Variants in STAR observed in about 807,000 individuals in gnomAD.
STAR encodes the protein steroidogenic acute regulatory protein, mitochondrial.
STAR carries 32 observed loss-of-function variants against 32.3 expected under a neutral mutation model. The observed-to-expected ratio is 0.99, with a 90% CI of 0.75 to 1.33. STAR has a LOEUF of 1.33. STAR is among the 40% of genes most tolerant of loss of function. The pLI, the probability that STAR is intolerant of heterozygous loss-of-function variation, is 0.00. For synonymous variants in STAR, 134 were observed against 140.5 expected (o/e 0.95, Z 0.33); for missense variants, 375 against 379.0 (o/e 0.99, Z 0.09).
At chr8:38,145,047 A>G (rs1802542027) in intron 6 of STAR, 175 bp downstream of exon 6, 4 of 1,437,010 alleles carry the variant, frequency 2.8e-6, no homozygotes, top group East Asian at 2.7e-5. Flanking sequence ...GGGCCATCAC[A>G]GGCTTTGGAG....
intron 3 of STAR, 53 bp from the exon 4 acceptor site, chr8:38,146,500 G>T (rs566081657): frequency 1.3e-6 from 2 of 1,591,354 alleles, no homozygotes; most frequent in African/African-American, 1.3e-5. Flanking sequence ...ATTCTTGGCC[G>T]GGCATGGTGG....
At chr8:38,145,494 A>G in intron 5 of STAR, 179 bp from the exon 6 acceptor site, 1 of 815,196 alleles carries the variant, frequency 1.2e-6, no homozygotes, top group Non-Finnish European at 2.0e-6. Flanking sequence ...CCAGCTCATC[A>G]GAATAAAGGC....
intron 5 of STAR, 78 bp from the exon 6 acceptor site, chr8:38,145,393 A>G: frequency 1.3e-6 from 2 of 1,592,938 alleles, no homozygotes; most frequent in South Asian, 2.2e-5. Context: ...AGTACCATAG[A>G]TAACACGTTT....
Position 38,150,796 on chromosome 8 carries a change from A to G in STAR, c.23T>C (p.Leu8Pro). 1 of 1,606,862 alleles carries G rather than the reference A, an allele frequency of 6.2e-7. No individual in the cohort carries two copies. The highest frequency in any genetic ancestry group is 1.3e-5 in the African/African-American group (1 of 75,034). Residue 8 changes from leucine (L) to proline (P), a missense_variant, in exon 1 of 7, where the codon CTG (leucine) becomes CCG (proline). By Grantham distance (98) the Leu-to-Pro change is moderately conservative. Coordinates refer to ENST00000276449, the MANE Select transcript of STAR (RefSeq NM_000349.3). MLLATFKLCAGSSYRHMR... is the reference protein window; with the variant it reads MLLATFKPCAGSSYRHMR... ...GTGTCTGTAGGAGCTCCCAGCGCAC[A>G]GCTTGAATGTCGCTAGCAGCATTGT... is the stretch of plus-strand genomic sequence containing the variant.
rs183145494 is a variant in STAR at position 38,143,243 on chromosome 8, T to A, written c.*1030A>T. 7.2e-4 allele frequency among the ~76,000 whole-genome samples: 109 copies of A among 152,326 alleles called. 1 individual carries two copies. The highest frequency in any genetic ancestry group is 1.2e-3 in the Non-Finnish European group (83 of 68,040). On this transcript the variant is annotated 3_prime_UTR_variant, in exon 7 of 7. Coordinates refer to ENST00000276449, the MANE Select transcript of STAR (RefSeq NM_000349.3). ...TCCTTTTAATGAGCCTTAATTTAGT[T>A]TGACTAATTAAAAGCTTTGTCCAGA...
chr8:38,150,909 C>T lies in STAR; in HGVS notation c.-91G>A. On this transcript the variant is annotated 5_prime_UTR_variant, in exon 1 of 7. Transcript: ENST00000276449. ...TCTTCTCTCAAGGGTGGTTCTTCGT[C>T]CTTCCTGAGCCCCTCAAGCTTCGCC... 6.3e-7 allele frequency: 1 copy of T among 1,598,486 alleles called. No homozygotes were observed. Among genetic ancestry groups the T allele is most frequent in the South Asian group, 1.1e-5 (1 of 90,950 alleles).
chr8:38,144,941 G>A lies in STAR; in HGVS notation c.744+281C>T, dbSNP rs531392611. On this transcript the variant is annotated intron_variant, in intron 6 of 6. Coordinates refer to ENST00000276449, the MANE Select transcript of STAR (RefSeq NM_000349.3). ...GAAGAATCACTTGAATCCGGGAGGCGGAGGTTACGGTGAGCTGAGACCATG... is the reference window on the plus strand; with the variant it reads ...GAAGAATCACTTGAATCCGGGAGGCAGAGGTTACGGTGAGCTGAGACCATG... The A allele has an allele frequency of 4.6e-4, 529 of 1,148,502 alleles. 4 individuals are homozygous for A. The South Asian group carries it at 5.3e-3, about 11-fold the overall frequency. 71.1% of individuals were successfully genotyped at this position (1,148,502 alleles called of 1,614,324 possible).
intron 3 of STAR, among the ~76,000 whole-genome samples, chr8:38,146,865 T>C (rs1243897722): frequency 2.6e-5 from 4 of 151,940 alleles, no homozygotes; most frequent in East Asian, 3.9e-4. Flanking sequence ...GAACTCCAAG[T>C]TGAGCACGAG....
In STAR at chr8:38,146,075, C is replaced by T. The variant is rs1802566869; in HGVS notation, c.538G>A (p.Gly180Arg). ...LAAEAAGNLV[G>R]PRDFVSVRCA... Reference sequence around the variant, plus strand: ...CGCACGCTCACAAAGTCACGGGGCCCCACCAGGTTTCCTGCTGCCTCGGCA... The same window carrying T: ...CGCACGCTCACAAAGTCACGGGGCCTCACCAGGTTTCCTGCTGCCTCGGCA... Residue 180 changes from glycine to arginine, a missense_variant, in exon 5 of 7, where the codon GGG becomes AGG. Physicochemically the swap from Gly to Arg is moderately radical, Grantham distance 125. Coordinates refer to ENST00000276449, the MANE Select transcript of STAR (RefSeq NM_000349.3). The T allele has an allele frequency of 1.2e-6, 2 of 1,614,108 alleles. No homozygotes were observed. The highest frequency in any genetic ancestry group is 1.3e-5 in the African/African-American group (1 of 74,942).
rs1802552300 is a variant in STAR, at chr8:38,145,395, A to T, written c.651-80T>A. On this transcript the variant is annotated intron_variant, in intron 5 of 6. Transcript: ENST00000276449. Reference sequence around the variant, plus strand: ...GGCTGCTTACACCAGTACCATAGATAACACGTTTCTACGGTACCTTGTCTT... The same window carrying T: ...GGCTGCTTACACCAGTACCATAGATTACACGTTTCTACGGTACCTTGTCTT... The T allele has an allele frequency of 1.2e-5, 19 of 1,589,146 alleles. No individual in the cohort carries two copies. In the Admixed American group the frequency reaches 3.2e-4, roughly 27 times the overall value.
intron 3 of STAR, 38 bp downstream of exon 3, chr8:38,148,162 G>T: frequency 1.2e-6 from 2 of 1,613,150 alleles, no homozygotes; most frequent in East Asian, 4.5e-5. Flanking sequence ...GATGGCAGTG[G>T]AGCATGGAGG....
At chr8:38,146,513 C>A in intron 3 of STAR, 66 bp from the exon 4 acceptor site, 1 of 1,566,516 alleles carries the variant, frequency 6.4e-7, no homozygotes, top group South Asian at 1.1e-5. Flanking sequence ...CATGGTGGTT[C>A]ACGCCTATAA....
At chr8:38,149,391 T>C (rs1022311319) in intron 1 of STAR, among the ~76,000 whole-genome samples, 1 of 152,202 alleles carries the variant, frequency 6.6e-6, no homozygotes, top group South Asian at 2.1e-4. Context: ...TTGTGTACCC[T>C]TCAGTGGCAG....
intron 6 of STAR, 48 bp from the exon 7 acceptor site, chr8:38,144,434 ACT>A (rs1405994140): frequency 1.9e-6 from 3 of 1,551,302 alleles, no homozygotes; most frequent in Non-Finnish European, 2.6e-6. Context: ...GTTTTGGCCC[ACT>A]CTTGACACTG....
chr8:38,146,359 C>T lies in STAR; in HGVS notation c.395G>A (p.Arg132Lys). 3 of 1,614,188 alleles carry T rather than the reference C, an allele frequency of 1.9e-6. No individual in the cohort carries two copies. Among genetic ancestry groups the T allele is most frequent in the Non-Finnish European group, 2.5e-6 (3 of 1,180,040 alleles). The change falls in exon 4 of 7, where the codon AGG becomes AAG. Residue 132 changes from arginine to lysine, a missense_variant. By Grantham distance (26) the Arg-to-Lys change is conservative. Transcript: ENST00000276449. Reference protein sequence around the residue: ...LEVVVDQPMERLYEELVERME... With the variant: ...LEVVVDQPMEKLYEELVERME... ...GCGCTCCACGAGCTCTTCATAGAGC[C>T]TCTCCATGGGCTGGTCCACCACGAC...
At chr8:38,148,797 T>G (rs764984420) in intron 1 of STAR, 43 bp from the exon 2 acceptor site, 1 of 1,483,946 alleles carries the variant, frequency 6.7e-7, no homozygotes, top group African/African-American at 1.8e-5. Flanking sequence ...GGAAAGCCCC[T>G]TAGAGATGGA....
intron 5 of STAR, 121 bp from the exon 6 acceptor site, chr8:38,145,436 G>C: frequency 7.3e-7 from 1 of 1,365,324 alleles, no homozygotes; most frequent in Non-Finnish European, 1.0e-6. Flanking sequence ...AGTCTCATCA[G>C]GGAAGTGCCC....
chr8:38,149,135 C>T (rs1042797453), intron 1 of STAR: 3 of 288,870 alleles, frequency 1.0e-5, no homozygotes, highest in East Asian at 8.7e-5. Context: ...TGTGTCTGCA[C>T]GAGTCTGTGC....
Position 38,143,038 on chromosome 8 carries a change from C to T in STAR, c.*1235G>A, listed in dbSNP as rs571288642. Among the ~76,000 whole-genome samples the T allele has an allele frequency of 6.6e-6, 1 of 152,152 alleles. No homozygotes were observed. The highest frequency in any genetic ancestry group is 1.5e-5 in the Non-Finnish European group (1 of 68,044). Reference sequence around the variant, plus strand: ...TCCTCTCATATTTGGCACTGCCTTTCCTTTTAATTAGGTAAATAAACAGTT... The same window carrying T: ...TCCTCTCATATTTGGCACTGCCTTTTCTTTTAATTAGGTAAATAAACAGTT... On this transcript the variant is annotated 3_prime_UTR_variant, in exon 7 of 7. Coordinates refer to ENST00000276449, the MANE Select transcript of STAR (RefSeq NM_000349.3).
Sources: gnomAD v4.1 joint callset for allele counts (sites outside exome capture counted in the v4.1 genomes callset) on GRCh38, gnomAD v4.1.1 for gene constraint, MANE v1.5 for transcripts, NCBI Gene and HGNC (gene_info 2026-07-23, HGNC 2026-07-21) for gene names.